Variants in DR1 observed in about 807,000 individuals in gnomAD.
DR1 encodes the protein protein Dr1.
A neutral mutation model predicts 19.9 loss-of-function variants in DR1; 7 were observed. The ratio of observed to expected loss-of-function variants is 0.35; its 90% confidence interval spans 0.20 to 0.66. The LOEUF (loss-of-function observed/expected upper bound fraction) is 0.66, where lower values mean the gene tolerates loss of function less well. Ranked by LOEUF, DR1 falls within the 30% of genes least tolerant of loss-of-function variation. The probability of loss-of-function intolerance (pLI) is 0.66; values close to 1 mark genes in which losing one functional copy is unlikely to be tolerated. For missense variants in DR1, 98 were observed against 203.7 expected (o/e 0.48, Z 3.16); for synonymous variants, 76 against 72.5 (o/e 1.05, Z -0.24).
rs1413969707 is a variant in DR1, at chr1:93,368,295, A to C, written c.*7656A>C. ...GAATAGTACATACTGTTTCCTTTTA[A>C]CTTTATGTTTCTTGCCTTTGTATAT... On this transcript the variant is annotated 3_prime_UTR_variant, in exon 3 of 3. Transcript: ENST00000370272. 1 of 152,216 alleles carries C rather than the reference A, an allele frequency of 6.6e-6. No homozygotes were observed. The highest frequency in any genetic ancestry group is 1.5e-5 in the Non-Finnish European group (1 of 68,030). The allele number at this position is 152,216 out of a possible 1,614,324, so 9.4% of individuals were successfully genotyped here.
intron 2 of DR1, among the ~76,000 whole-genome samples, chr1:93,356,306 G>A (rs1234522374): frequency 6.6e-6 from 1 of 150,770 alleles, no homozygotes; most frequent in East Asian, 2.0e-4. Context: ...TGACAGGCTC[G>A]ATCAGGCACA....
At chr1:93,348,967 T>A (rs548786081) in intron 1 of DR1, among the ~76,000 whole-genome samples, 143 of 152,230 alleles carry the variant, frequency 9.4e-4, no homozygotes, top group African/African-American at 3.4e-3. Context: ...GCCTATACAC[T>A]AATCATAATA....
chr1:93,347,993 A>G (rs1666873432), intron 1 of DR1, among the ~76,000 whole-genome samples: 1 of 152,158 alleles, frequency 6.6e-6, no homozygotes, highest in Admixed American at 6.5e-5. Context: ...ACTTTTTAAA[A>G]TGTGACTTTC....
chr1:93,356,304 T>G (rs1280022518), intron 2 of DR1, among the ~76,000 whole-genome samples: 1 of 151,612 alleles, frequency 6.6e-6, no homozygotes, highest in Non-Finnish European at 1.5e-5. Context: ...ATTGACAGGC[T>G]CGATCAGGCA....
chr1:93,355,163 TC>T (rs1425315767), intron 2 of DR1: 1 of 152,126 alleles, frequency 6.6e-6, no homozygotes, highest in Non-Finnish European at 1.5e-5. Flanking sequence ...GAAGATTTTC[TC>T]CTGGATACTT....
At chr1:93,354,153 C>G (rs1276493210) in intron 2 of DR1, 82 bp downstream of exon 2, 1 of 1,346,846 alleles carries the variant, frequency 7.4e-7, no homozygotes, top group Non-Finnish European at 1.0e-6. Context: ...AACAGACATA[C>G]CCAGAGGATT....
rs894214942 is a variant in DR1 at position 93,363,360 on chromosome 1, C to T, written c.*2721C>T. On this transcript the variant is annotated 3_prime_UTR_variant, in exon 3 of 3. Transcript: ENST00000370272. ...TGCCACTGTAACAAACTACCACAAACTTAGTGACTTAAAACAACACAGATT... is the reference window on the plus strand; with the variant it reads ...TGCCACTGTAACAAACTACCACAAATTTAGTGACTTAAAACAACACAGATT... 1.3e-5 allele frequency: 2 copies of T among 152,222 alleles called. No individual in the cohort carries two copies. The highest frequency in any genetic ancestry group is 2.9e-5 in the Non-Finnish European group (2 of 68,078). The allele number at this position is 152,222 out of a possible 1,614,324, so 9.4% of individuals were successfully genotyped here. A position where few individuals can be genotyped will look rare whatever the true frequency, so the allele number is the denominator to read the frequency against.
At position 93,353,905 on chromosome 1, in the gene DR1, T is replaced by C; in HGVS notation, c.221-3T>C. 1.9e-6 allele frequency: 3 copies of C among 1,599,766 alleles called. No homozygotes were observed. The highest frequency in any genetic ancestry group is 2.6e-6 in the Non-Finnish European group (3 of 1,173,734). ...TCATATTTTAATATTTTCATTTCTC[T>C]AGCACTAGAAAGTTTGGGATTTGGC... is the stretch of plus-strand genomic sequence containing the variant. On this transcript the variant is annotated splice_region_variant and splice_polypyrimidine_tract_variant and intron_variant, in intron 1 of 2. Transcript: ENST00000370272.
chr1:93,368,811 C>T lies in DR1; in HGVS notation c.*8172C>T, dbSNP rs1460563193. ...TTGCCTTACACATATACTAGTAGCC[C>T]TTACAAAATTTCGTCTGTCTTTATT... On this transcript the variant is annotated 3_prime_UTR_variant, in exon 3 of 3. Transcript: ENST00000370272. 1 of 152,058 alleles carries T rather than the reference C, an allele frequency of 6.6e-6. No homozygotes were observed. The highest frequency in any genetic ancestry group is 1.5e-5 in the Non-Finnish European group (1 of 68,006). The allele number at this position is 152,058 out of a possible 1,614,324, so 9.4% of individuals were successfully genotyped here. A position where few individuals can be genotyped will look rare whatever the true frequency, so the allele number is the denominator to read the frequency against.
Position 93,361,051 on chromosome 1 carries a change from G to GGGT in DR1, c.*412_*413insGGT, listed in dbSNP as rs1553198463. On this transcript the variant is annotated 3_prime_UTR_variant, in exon 3 of 3. Transcript: ENST00000370272. ...TGAATTTTAAATTATTAAGGGGGGG[G>GGGT]TGCTGTGTGAATCAGTAGACATTGG... The GGGT allele has an allele frequency of 2.2e-3, 356 of 162,494 alleles. No individual in the cohort carries two copies. Among genetic ancestry groups the GGGT allele is most frequent in the African/African-American group, 8.2e-3 (336 of 40,802 alleles). 10.1% of individuals were successfully genotyped at this position (162,494 alleles called of 1,614,324 possible). A position where few individuals can be genotyped will look rare whatever the true frequency, so the allele number is the denominator to read the frequency against.
At position 93,362,826 on chromosome 1, in the gene DR1, C is replaced by CTTTTTTTT. The variant is rs55792701; in HGVS notation, c.*2208_*2215dup. On this transcript the variant is annotated 3_prime_UTR_variant, in exon 3 of 3. Coordinates refer to ENST00000370272, the MANE Select transcript of DR1 (RefSeq NM_001938.3). ...GCAATATTTTATTTTTAGGTTTTTT[C>CTTTTTTTT]TTTTTTTTTTTTTTTTTTTTTTTTT... The CTTTTTTTT allele has an allele frequency of 1.6e-3, 87 of 52,872 alleles. No individual in the cohort carries two copies. Among genetic ancestry groups the CTTTTTTTT allele is most frequent in the African/African-American group, 4.9e-3 (62 of 12,656 alleles). The allele number at this position is 52,872 out of a possible 1,614,324, so 3.3% of individuals were successfully genotyped here.
chr1:93,351,351 T>G (rs974893789), intron 1 of DR1, among the ~76,000 whole-genome samples: 2 of 151,976 alleles, frequency 1.3e-5, no homozygotes, highest in Admixed American at 1.3e-4. Flanking sequence ...CAGCCTTAAA[T>G]GTTTTTAAAG....
At chr1:93,357,442 G>A (rs1020836004) in intron 2 of DR1, among the ~76,000 whole-genome samples, 1 of 151,964 alleles carries the variant, frequency 6.6e-6, no homozygotes. Flanking sequence ...GGAGTTCAAG[G>A]TTGCAGTGCA....
At chr1:93,350,702 G>A (rs1666904451) in intron 1 of DR1, among the ~76,000 whole-genome samples, 1 of 152,004 alleles carries the variant, frequency 6.6e-6, no homozygotes, top group Non-Finnish European at 1.5e-5. Flanking sequence ...GCTGAAAAAT[G>A]TGCAAAGTAT....
chr1:93,358,810 T>C (rs564563272), intron 2 of DR1, among the ~76,000 whole-genome samples: 4 of 152,324 alleles, frequency 2.6e-5, no homozygotes, highest in African/African-American at 7.2e-5. Flanking sequence ...GTATTAAATT[T>C]TTTCCATTCC....
At chr1:93,352,341 A>G (rs916215908) in intron 1 of DR1, among the ~76,000 whole-genome samples, 1 of 152,172 alleles carries the variant, frequency 6.6e-6, no homozygotes, top group Non-Finnish European at 1.5e-5. Context: ...AAGTGCTGGG[A>G]TTATAGGCGT....
chr1:93,351,791 T>A (rs1425007081), intron 1 of DR1, among the ~76,000 whole-genome samples: 1 of 152,232 alleles, frequency 6.6e-6, no homozygotes, highest in African/African-American at 2.4e-5. Context: ...AAGGGTTGTC[T>A]CTCCATTGTG....
chr1:93,349,473 G>A (rs779638124), intron 1 of DR1, among the ~76,000 whole-genome samples: 7 of 152,018 alleles, frequency 4.6e-5, no homozygotes, highest in South Asian at 4.1e-4. Context: ...TGTAAGTTCC[G>A]CACTGAGAAT....
rs1667122021 is a variant in DR1, at chr1:93,365,874, T to C, written c.*5235T>C. The stretch of plus-strand genomic sequence containing the variant: ...CACACCCAGTTTGAAACAGATGAGG[T>C]ATGCTATTTCATAACTAGTACATCT... On this transcript the variant is annotated 3_prime_UTR_variant, in exon 3 of 3. Coordinates refer to ENST00000370272, the MANE Select transcript of DR1 (RefSeq NM_001938.3). The C allele has an allele frequency of 6.6e-6, 1 of 152,204 alleles. No individual in the cohort carries two copies. The highest frequency in any genetic ancestry group is 2.4e-5 in the African/African-American group (1 of 41,450). The allele number at this position is 152,204 out of a possible 1,614,324, so 9.4% of individuals were successfully genotyped here. A position where few individuals can be genotyped will look rare whatever the true frequency, so the allele number is the denominator to read the frequency against.
Sources: gnomAD v4.1 joint callset for allele counts (sites outside exome capture counted in the v4.1 genomes callset) on GRCh38, gnomAD v4.1.1 for gene constraint, MANE v1.5 for transcripts, NCBI Gene and HGNC (gene_info 2026-07-23, HGNC 2026-07-21) for gene names.